The following ACVR1 variants were observed in gnomAD, a reference collection of about 807,000 sequenced individuals.
The protein encoded by ACVR1 is activin receptor type-1.
Under a neutral mutation model 57.1 loss-of-function variants are expected in ACVR1, and 38 were observed. The ratio of observed to expected loss-of-function variants is 0.67; its 90% CI spans 0.51 to 0.87. The LOEUF is 0.87. Ranked by LOEUF, ACVR1 falls within the 40% of genes least tolerant of loss-of-function variation. ACVR1 has a pLI of 0.00. For synonymous variants in ACVR1, 212 were observed against 228.1 expected (o/e 0.93, Z 0.63); for missense variants, 463 against 638.2 (o/e 0.73, Z 2.96).
At chr2:157,843,341 A>T (rs931758250) in intron 1 of ACVR1, among the ~76,000 whole-genome samples, 10 of 152,216 alleles carry the variant, frequency 6.6e-5, no homozygotes, top group African/African-American at 2.4e-4. Context: ...AATTATCACT[A>T]GTGCCTTGGT....
intron 1 of ACVR1, among the ~76,000 whole-genome samples, chr2:157,851,451 A>G (rs970228896): frequency 1.3e-5 from 2 of 152,124 alleles, no homozygotes; most frequent in Non-Finnish European, 2.9e-5. Context: ...TCAATCAAAC[A>G]GAAGTATGAG....
At chr2:157,856,176 T>C (rs927758741) in intron 1 of ACVR1, among the ~76,000 whole-genome samples, 3 of 151,932 alleles carry the variant, frequency 2.0e-5, no homozygotes, top group Admixed American at 2.0e-4. Context: ...CCTGTGGCTA[T>C]AATTAAAGTT....
intron 1 of ACVR1, among the ~76,000 whole-genome samples, chr2:157,870,663 G>A (rs929490795): frequency 1.3e-5 from 2 of 152,028 alleles, no homozygotes; most frequent in Non-Finnish European, 2.9e-5. Context: ...AAATAATGAA[G>A]GATTCCCTGC....
At chr2:157,822,936 C>G (rs1198172843) in intron 1 of ACVR1, among the ~76,000 whole-genome samples, 1 of 152,168 alleles carries the variant, frequency 6.6e-6, no homozygotes, top group Non-Finnish European at 1.5e-5. Context: ...TTGAAGTCAC[C>G]AATTTAAAGA....
rs536264533 is a variant in ACVR1 at position 157,810,789 on chromosome 2, C to T, written c.-8+7596G>A. On this transcript the variant is annotated intron_variant, in intron 2 of 10. Transcript: ENST00000434821. Reference sequence around the variant, plus strand: ...ATATCCACCCTCTTCATCCTTTCACCGAACACTTTCTAGAACAGCAACTAC... The same window carrying T: ...ATATCCACCCTCTTCATCCTTTCACTGAACACTTTCTAGAACAGCAACTAC... Among the ~76,000 whole-genome samples, 694 of 152,260 alleles carry T rather than the reference C, an allele frequency of 4.6e-3. 4 individuals are homozygous for T. The highest frequency in any genetic ancestry group is 6.7e-3 in the Non-Finnish European group (454 of 68,010).
intron 8 of ACVR1, among the ~76,000 whole-genome samples, chr2:157,764,743 G>A (rs1190020928): frequency 6.6e-6 from 1 of 152,064 alleles, no homozygotes; most frequent in African/African-American, 2.4e-5. Flanking sequence ...CTGGCTCTAA[G>A]AGCCATGGAA....
At chr2:157,814,309 T>C (rs1027806272) in intron 2 of ACVR1, among the ~76,000 whole-genome samples, 4 of 152,134 alleles carry the variant, frequency 2.6e-5, no homozygotes, top group Admixed American at 6.5e-5. Context: ...AACAGCAAAA[T>C]AGACAACGAA....
At chr2:157,821,762 T>C (rs1359400745) in intron 1 of ACVR1, among the ~76,000 whole-genome samples, 1 of 152,170 alleles carries the variant, frequency 6.6e-6, no homozygotes. Flanking sequence ...AGGATGGCCA[T>C]GAAGAAGGAG....
chr2:157,771,640 C>T (rs1380148848), intron 6 of ACVR1, among the ~76,000 whole-genome samples: 2 of 152,182 alleles, frequency 1.3e-5, no homozygotes, highest in Admixed American at 6.5e-5. Context: ...TTTGCTGGAA[C>T]ACTAAGTCAC....
At chr2:157,805,069 T>C (rs1277859214) in intron 2 of ACVR1, among the ~76,000 whole-genome samples, 5 of 152,230 alleles carry the variant, frequency 3.3e-5, no homozygotes, top group African/African-American at 4.8e-5. Flanking sequence ...CACTTCTATA[T>C]GCAACTTTCA....
At chr2:157,789,427 A>G (rs1686829733) in intron 3 of ACVR1, among the ~76,000 whole-genome samples, 1 of 152,260 alleles carries the variant, frequency 6.6e-6, no homozygotes, top group African/African-American at 2.4e-5. Context: ...AGGCGAGAGC[A>G]ACAAACAAGA....
chr2:157,753,740 A>G (rs552405201), intron 9 of ACVR1, among the ~76,000 whole-genome samples: 64 of 152,222 alleles, frequency 4.2e-4, no homozygotes, highest in Non-Finnish European at 8.1e-4. Context: ...GATTTAAACT[A>G]TACCCTAGAA....
At chr2:157,831,918 G>C (rs1319105236) in intron 1 of ACVR1, among the ~76,000 whole-genome samples, 1 of 152,168 alleles carries the variant, frequency 6.6e-6, no homozygotes, top group Non-Finnish European at 1.5e-5. Flanking sequence ...ATAAAAGGGT[G>C]AATGTTTTTG....
chr2:157,741,511 G>C (rs1362471687), intron 9 of ACVR1, among the ~76,000 whole-genome samples: 3 of 151,868 alleles, frequency 2.0e-5, no homozygotes, highest in African/African-American at 7.3e-5. Flanking sequence ...TGTAGTCCAG[G>C]CAACTAGGGA....
chr2:157,758,111 T>C (rs1217573883), intron 9 of ACVR1, among the ~76,000 whole-genome samples: 2 of 151,974 alleles, frequency 1.3e-5, no homozygotes, highest in Non-Finnish European at 2.9e-5. Context: ...AAGGCACATA[T>C]AGACTGAAAG....
At chr2:157,779,788 C>G (rs1367011194) in intron 4 of ACVR1, among the ~76,000 whole-genome samples, 1 of 152,156 alleles carries the variant, frequency 6.6e-6, no homozygotes, top group Non-Finnish European at 1.5e-5. Context: ...GAAGATTCCA[C>G]AAAAACTACA....
chr2:157,823,623 T>A (rs1217532887), intron 1 of ACVR1, among the ~76,000 whole-genome samples: 1 of 152,154 alleles, frequency 6.6e-6, no homozygotes, highest in Non-Finnish European at 1.5e-5. Flanking sequence ...AGCACCTTTC[T>A]CCTCCAGAAT....
intron 5 of ACVR1, among the ~76,000 whole-genome samples, 183 bp from the exon 6 acceptor site, chr2:157,774,370 T>G (rs906925261): frequency 6.6e-6 from 1 of 152,190 alleles, no homozygotes; most frequent in African/African-American, 2.4e-5. Flanking sequence ...TTTTGTATTT[T>G]TTATTTTTTT....
At position 157,778,009 on chromosome 2, in the gene ACVR1, C is replaced by A. The variant is rs1686356003; in HGVS notation, c.543+122G>T. 1.1e-5 allele frequency: 12 copies of A among 1,053,726 alleles called. No individual in the cohort carries two copies. In the South Asian group the frequency reaches 1.3e-4, roughly 12 times the overall value. 65.3% of individuals were successfully genotyped at this position (1,053,726 alleles called of 1,614,324 possible). On this transcript the variant is annotated intron_variant, in intron 5 of 10. Transcript: ENST00000434821. Reference sequence around the variant, plus strand: ...ATGTGCTTGTTTAGGACATAAGTAACCAACAGCATGTGTGTACACTGTTCA... The same window carrying A: ...ATGTGCTTGTTTAGGACATAAGTAAACAACAGCATGTGTGTACACTGTTCA...
Sources: allele counts gnomAD v4.1 joint callset (sites outside exome capture counted in the v4.1 genomes callset), GRCh38; gene constraint gnomAD v4.1.1; transcripts MANE v1.5; gene names NCBI Gene and HGNC (gene_info 2026-07-23, HGNC 2026-07-21).